BANK1: variants seen among roughly 807,000 people sequenced by gnomAD.
The protein encoded by BANK1 is B cell scaffold protein with ankyrin repeats 1.
In BANK1, 95 loss-of-function variants were observed where a neutral mutation model predicts 94.5. The observed-to-expected ratio is 1.00, with a 90% CI of 0.85 to 1.19. BANK1 has a LOEUF of 1.19. BANK1 is among the 50% of genes most tolerant of loss of function. The pLI, the probability that BANK1 is intolerant of heterozygous loss-of-function variation, is 0.00. For missense variants in BANK1, 987 were observed against 932.2 expected, an observed-to-expected ratio of 1.06 and a Z score of -0.77; for synonymous variants, 334 against 308.4, an observed-to-expected ratio of 1.08 and a Z score of -0.87.
At chr4:101,845,824 G>T (rs1419537737) in intron 2 of BANK1, among the ~76,000 whole-genome samples, 1 of 152,188 alleles carries the variant, frequency 6.6e-6, no homozygotes, top group Non-Finnish European at 1.5e-5. Context: ...TAATGCCTTA[G>T]ACATTTTTAC....
At chr4:102,033,685 A>G (rs1223101363) in intron 10 of BANK1, among the ~76,000 whole-genome samples, 3 of 152,254 alleles carry the variant, frequency 2.0e-5, no homozygotes, top group Non-Finnish European at 2.9e-5. Flanking sequence ...TTGTCGTTCT[A>G]ATTCAATGAT....
chr4:101,901,640 A>G (rs996504010), intron 6 of BANK1, among the ~76,000 whole-genome samples: 28 of 152,240 alleles, frequency 1.8e-4, no homozygotes, highest in Non-Finnish European at 2.9e-5. Flanking sequence ...CAGATTAGGC[A>G]AAGAACTCAA....
chr4:102,036,294 A>T (rs1165589314), intron 10 of BANK1, among the ~76,000 whole-genome samples: 4 of 152,222 alleles, frequency 2.6e-5, no homozygotes, highest in Non-Finnish European at 5.9e-5. Context: ...TCCACTTGCA[A>T]TTCACTTGTA....
intron 6 of BANK1, among the ~76,000 whole-genome samples, chr4:101,903,310 A>G (rs62321740): frequency 0.03 from 4,618 of 152,026 alleles, 131 homozygotes; most frequent in South Asian, 0.063. Context: ...AAGTAAGACT[A>G]TTTATACAAG....
At chr4:101,849,464 A>G (rs2148871604) in intron 2 of BANK1, among the ~76,000 whole-genome samples, 1 of 152,260 alleles carries the variant, frequency 6.6e-6, no homozygotes, top group Middle Eastern at 3.4e-3. Context: ...ATGAACATAC[A>G]GTGGTGGTGG....
intron 7 of BANK1, among the ~76,000 whole-genome samples, chr4:101,968,358 TAGGCATAGAAGATAA>T (rs1471515868): frequency 6.6e-6 from 1 of 152,228 alleles, no homozygotes; most frequent in East Asian, 1.9e-4. Context: ...ATATTCAATG[TAGGCATAGAAGATAA>T]AGAACATTGT....
At chr4:102,059,572 C>G (rs945478709) in intron 11 of BANK1, among the ~76,000 whole-genome samples, 4 of 152,196 alleles carry the variant, frequency 2.6e-5, no homozygotes, top group South Asian at 2.1e-4. Context: ...CACCCATGGT[C>G]TGCCAGTTTG....
chr4:101,870,910 TAC>T (rs1327666317), intron 5 of BANK1, among the ~76,000 whole-genome samples: 2 of 152,002 alleles, frequency 1.3e-5, no homozygotes, highest in Non-Finnish European at 2.9e-5. Context: ...TTAAAGCTGT[TAC>T]AAGCAGATAA....
At chr4:101,882,473 G>A (rs1307873378) in intron 5 of BANK1, among the ~76,000 whole-genome samples, 2 of 152,046 alleles carry the variant, frequency 1.3e-5, no homozygotes, top group Non-Finnish European at 2.9e-5. Flanking sequence ...TACAATTCTA[G>A]TCCTACCTTT....
intron 9 of BANK1, 32 bp from the exon 10 acceptor site, chr4:102,029,928 G>A (rs1347583267): frequency 2.6e-6 from 4 of 1,560,042 alleles, no homozygotes; most frequent in Non-Finnish European, 3.4e-6. Context: ...TGTAACAGAA[G>A]AGTAAACACC....
chr4:101,791,825 T>G (rs904334672), intron 1 of BANK1, among the ~76,000 whole-genome samples: 1 of 152,200 alleles, frequency 6.6e-6, no homozygotes, highest in African/African-American at 2.4e-5. Flanking sequence ...TTTACATAAA[T>G]AAGCTTTAGG....
chr4:101,819,150 A>G (rs1337429035), intron 1 of BANK1, among the ~76,000 whole-genome samples: 3 of 152,112 alleles, frequency 2.0e-5, no homozygotes, highest in African/African-American at 7.2e-5. Flanking sequence ...AAAAAATACC[A>G]TGGTGGTATT....
intron 7 of BANK1, among the ~76,000 whole-genome samples, chr4:101,921,396 T>G (rs1722992084): frequency 1.3e-5 from 2 of 152,048 alleles, no homozygotes; most frequent in South Asian, 4.1e-4. Context: ...ATAGTGACAT[T>G]GATGATTGAT....
chr4:101,834,470 A>G (rs1263977303), intron 2 of BANK1, among the ~76,000 whole-genome samples: 1 of 152,214 alleles, frequency 6.6e-6, no homozygotes, highest in Non-Finnish European at 1.5e-5. Flanking sequence ...AGCAATCTCC[A>G]AACTGCATAA....
At chr4:102,007,150 A>ATATATATAAAAATATATTT (rs1726330661) in intron 7 of BANK1, among the ~76,000 whole-genome samples, 2 of 22,544 alleles carry the variant, frequency 8.9e-5, no homozygotes, top group African/African-American at 2.3e-4. Flanking sequence ...TATATTTTAT[A>ATATATATAAAAATATATTT]TATATATATA....
intron 3 of BANK1, among the ~76,000 whole-genome samples, chr4:101,857,226 T>G (rs746347149): frequency 4.3e-4 from 66 of 152,284 alleles, no homozygotes; most frequent in Non-Finnish European, 6.8e-4. Flanking sequence ...TCTAGAAATT[T>G]TACCATACTA....
intron 7 of BANK1, among the ~76,000 whole-genome samples, chr4:101,961,596 C>G (rs1376528761): frequency 6.6e-6 from 1 of 152,118 alleles, no homozygotes; most frequent in Admixed American, 6.6e-5. Flanking sequence ...GTTTTACTGT[C>G]AAACTATTAT....
At chr4:101,921,884 G>T (rs1723009531) in intron 7 of BANK1, among the ~76,000 whole-genome samples, 1 of 151,812 alleles carries the variant, frequency 6.6e-6, no homozygotes, top group African/African-American at 2.4e-5. Flanking sequence ...TTCTCTAACT[G>T]GCTTTTCAGA....
chr4:101,999,506 C>A (rs1334766343), intron 7 of BANK1, among the ~76,000 whole-genome samples: 1 of 152,204 alleles, frequency 6.6e-6, no homozygotes, highest in Admixed American at 6.5e-5. Context: ...GAATACCTCT[C>A]TTCTCTACTA....
Sources: gnomAD v4.1 joint callset for allele counts (sites outside exome capture counted in the v4.1 genomes callset) on GRCh38, gnomAD v4.1.1 for gene constraint, MANE v1.5 for transcripts, NCBI Gene and HGNC (gene_info 2026-07-23, HGNC 2026-07-21) for gene names.